Variants in CDH13 observed in about 807,000 individuals in gnomAD.
CDH13 encodes the protein cadherin 13.
In CDH13, 24 loss-of-function variants were observed where a neutral mutation model predicts 63.8. The observed-to-expected ratio is 0.38, with a 90% CI of 0.27 to 0.53. The LOEUF (loss-of-function observed/expected upper bound fraction) is 0.53, where lower values mean the gene tolerates loss of function less well. CDH13 is among the 20% of genes least tolerant of loss of function. The probability of loss-of-function intolerance (pLI) is 0.85; values close to 1 mark genes in which losing one functional copy is unlikely to be tolerated. For synonymous variants in CDH13, 503 were observed against 355.3 expected, an observed-to-expected ratio of 1.42 and a Z score of -4.67; for missense variants, 1,049 against 903.1, an observed-to-expected ratio of 1.16 and a Z score of -2.07.
chr16:83,297,464 G>C (rs939893435), intron 5 of CDH13, among the ~76,000 whole-genome samples: 1 of 152,154 alleles, frequency 6.6e-6, no homozygotes, highest in African/African-American at 2.4e-5. Context: ...GACTGAGTGG[G>C]ACGCAAGTGA....
intron 3 of CDH13, among the ~76,000 whole-genome samples, chr16:83,102,083 A>G (rs1353568376): frequency 6.6e-6 from 1 of 152,166 alleles, no homozygotes; most frequent in Non-Finnish European, 1.5e-5. Flanking sequence ...GGATTTGAAG[A>G]TGCTACGCTC....
At chr16:83,018,826 A>T (rs1915063829) in intron 2 of CDH13, among the ~76,000 whole-genome samples, 1 of 152,246 alleles carries the variant, frequency 6.6e-6, no homozygotes. Context: ...CACAATGGCA[A>T]GTGGTTGTGT....
chr16:83,522,207 C>G (rs1288533840), intron 7 of CDH13, among the ~76,000 whole-genome samples: 1 of 152,206 alleles, frequency 6.6e-6, no homozygotes, highest in Non-Finnish European at 1.5e-5. Flanking sequence ...GCAGCCTCCA[C>G]ATGTTTATTG....
intron 2 of CDH13, among the ~76,000 whole-genome samples, chr16:82,967,478 C>T (rs934080865): frequency 6.6e-6 from 1 of 152,206 alleles, no homozygotes; most frequent in Non-Finnish European, 1.5e-5. Flanking sequence ...TCTCAGTAAG[C>T]AGTCCCTAAA....
At chr16:82,781,096 CT>C (rs2035732049) in intron 1 of CDH13, among the ~76,000 whole-genome samples, 1 of 152,166 alleles carries the variant, frequency 6.6e-6, no homozygotes, top group African/African-American at 2.4e-5. Flanking sequence ...AGTGTATCTT[CT>C]GAAGTTTGCC....
At chr16:83,239,065 T>A (rs1376548175) in intron 5 of CDH13, among the ~76,000 whole-genome samples, 1 of 152,236 alleles carries the variant, frequency 6.6e-6, no homozygotes, top group Non-Finnish European at 1.5e-5. Context: ...AAGCTAACAC[T>A]CACTGTTGGT....
chr16:82,630,396 T>C (rs1907863363), intron 1 of CDH13, among the ~76,000 whole-genome samples: 1 of 152,206 alleles, frequency 6.6e-6, no homozygotes, highest in Non-Finnish European at 1.5e-5. Context: ...TAATCTGGAA[T>C]TTGTGTAATT....
chr16:83,467,160 G>A (rs140018963), intron 6 of CDH13, among the ~76,000 whole-genome samples: 7 of 152,190 alleles, frequency 4.6e-5, no homozygotes, highest in Admixed American at 3.9e-4. Context: ...ACCAAGCCCC[G>A]GCTCTCAGTA....
chr16:83,777,800 C>T (rs988692308), intron 11 of CDH13, among the ~76,000 whole-genome samples: 23 of 152,016 alleles, frequency 1.5e-4, no homozygotes, highest in African/African-American at 5.6e-4. Flanking sequence ...ACTTAATATG[C>T]GTTTCAAAAC....
intron 2 of CDH13, among the ~76,000 whole-genome samples, chr16:82,909,673 T>C (rs912328356): frequency 3.9e-5 from 6 of 152,012 alleles, no homozygotes; most frequent in Non-Finnish European, 7.4e-5. Context: ...CCGGATCTCA[T>C]GAGATGAGGG....
chr16:82,694,330 A>C (rs2029990586), intron 1 of CDH13, among the ~76,000 whole-genome samples: 1 of 152,194 alleles, frequency 6.6e-6, no homozygotes, highest in African/African-American at 2.4e-5. Context: ...TGACAGGCAG[A>C]CTTTGGTATT....
intron 2 of CDH13, among the ~76,000 whole-genome samples, chr16:82,927,693 G>A (rs923731983): frequency 2.6e-5 from 4 of 152,126 alleles, no homozygotes; most frequent in Non-Finnish European, 5.9e-5. Context: ...ACACTGTATT[G>A]TCATTGCCAG....
At chr16:83,788,787 T>C (rs1916060129) in intron 13 of CDH13, among the ~76,000 whole-genome samples, 1 of 152,216 alleles carries the variant, frequency 6.6e-6, no homozygotes, top group Non-Finnish European at 1.5e-5. Flanking sequence ...ATCTGATGAT[T>C]GTATCTCACT....
At chr16:82,830,984 G>A (rs1422978115) in intron 1 of CDH13, among the ~76,000 whole-genome samples, 2 of 152,132 alleles carry the variant, frequency 1.3e-5, no homozygotes, top group Non-Finnish European at 2.9e-5. Context: ...ATCTTCCGCA[G>A]AGCTGAAACT....
At chr16:82,855,617 C>T (rs2039651599) in intron 1 of CDH13, among the ~76,000 whole-genome samples, 1 of 152,202 alleles carries the variant, frequency 6.6e-6, no homozygotes. Context: ...GGGATGCCAG[C>T]ATTTTGATTG....
rs542264331 is a variant in CDH13, at chr16:83,570,538, C to T, written c.961-31916C>T. 1.6e-4 allele frequency among the ~76,000 whole-genome samples: 24 copies of T among 152,020 alleles called. No homozygotes were observed. In the South Asian group the frequency reaches 2.7e-3, roughly 17 times the overall value. On this transcript the variant is annotated intron_variant, in intron 7 of 13. Transcript: ENST00000567109. ...GTACTCATGGTCTAGCGTGGAACAG[C>T]CTCGCTGCTTTACTGGGCTGCTGTG...
At chr16:82,878,559 AT>A (rs1246229771) in intron 2 of CDH13, among the ~76,000 whole-genome samples, 1 of 123,548 alleles carries the variant, frequency 8.1e-6, no homozygotes, top group Admixed American at 1.0e-4. Flanking sequence ...GAACGGGGAG[AT>A]TTATTCCAGA....
At chr16:83,379,919 G>GTGTATA (rs1555538670) in intron 6 of CDH13, among the ~76,000 whole-genome samples, 5 of 126,442 alleles carry the variant, frequency 4.0e-5, no homozygotes, top group South Asian at 2.7e-4. Context: ...ATGTGTGTGT[G>GTGTATA]TATATATATA....
intron 3 of CDH13, among the ~76,000 whole-genome samples, chr16:83,045,585 C>A (rs547975824): frequency 7.0e-6 from 1 of 141,964 alleles, no homozygotes; most frequent in African/African-American, 2.7e-5. Context: ...CACAGTGATC[C>A]AAGATCACGC....
Sources: allele counts gnomAD v4.1 joint callset (sites outside exome capture counted in the v4.1 genomes callset), GRCh38; gene constraint gnomAD v4.1.1; transcripts MANE v1.5; gene names NCBI Gene and HGNC (gene_info 2026-07-23, HGNC 2026-07-21).